Variants in SGCG observed in about 807,000 individuals in gnomAD.
SGCG encodes sarcoglycan gamma.
Under a neutral mutation model 29.3 loss-of-function variants are expected in SGCG, and 26 were observed. The observed-to-expected ratio is 0.89, with a 90% CI of 0.65 to 1.23. The LOEUF (loss-of-function observed/expected upper bound fraction) is 1.23, where lower values mean the gene tolerates loss of function less well. Among genes scored for constraint, SGCG ranks in the 50% most tolerant of loss-of-function variants. SGCG has a pLI of 0.00. For synonymous variants in SGCG, 145 were observed against 129.7 expected, an observed-to-expected ratio of 1.12 and a Z score of -0.80; for missense variants, 353 against 356.0, an observed-to-expected ratio of 0.99 and a Z score of 0.07.
intron 6 of SGCG, among the ~76,000 whole-genome samples, chr13:23,299,676 C>T (rs9552919): frequency 0.64 from 96,367 of 150,382 alleles, 31,676 homozygotes; most frequent in East Asian, 0.85. Context: ...ATGGTCTTGA[C>T]CTCCTGACCT....
chr13:23,174,254 G>C, the SGCG span, among the ~76,000 whole-genome samples: 1 of 152,160 alleles, frequency 6.6e-6, no homozygotes, highest in African/African-American at 2.4e-5. Context: ...CCTGCAGATG[G>C]GGACAGGAAG....
intron 2 of SGCG, among the ~76,000 whole-genome samples, chr13:23,218,617 A>C (rs1471353483): frequency 6.6e-6 from 1 of 152,202 alleles, no homozygotes; most frequent in Non-Finnish European, 1.5e-5. Context: ...TAATTTAAAA[A>C]TCAATATCAG....
At chr13:23,165,653 T>A in the SGCG span, among the ~76,000 whole-genome samples, 1 of 151,920 alleles carries the variant, frequency 6.6e-6, no homozygotes, top group Non-Finnish European at 1.5e-5. Context: ...GCCTCCTGAG[T>A]AGGTAGGATT....
At chr13:23,292,592 A>G (rs576495776) in intron 5 of SGCG, among the ~76,000 whole-genome samples, 95 of 152,328 alleles carry the variant, frequency 6.2e-4, no homozygotes, top group Non-Finnish European at 1.0e-3. Flanking sequence ...TGCAGTCTCC[A>G]GTTTTGTTTT....
chr13:23,292,848 C>G (rs752555083), intron 5 of SGCG, among the ~76,000 whole-genome samples: 3 of 152,136 alleles, frequency 2.0e-5, no homozygotes, highest in Non-Finnish European at 2.9e-5. Context: ...AGTAAATATA[C>G]TTATATAAAA....
At chr13:23,256,896 T>G (rs1330905251) in intron 4 of SGCG, among the ~76,000 whole-genome samples, 1 of 152,206 alleles carries the variant, frequency 6.6e-6, no homozygotes, top group Non-Finnish European at 1.5e-5. Flanking sequence ...ATATACCCAG[T>G]AATGGGATCG....
At chr13:23,169,234 T>C in the SGCG span, among the ~76,000 whole-genome samples, 3 of 151,942 alleles carry the variant, frequency 2.0e-5, no homozygotes, top group Admixed American at 1.3e-4. Context: ...TTCCATAACC[T>C]GTAAGTTCGG....
intron 2 of SGCG, among the ~76,000 whole-genome samples, chr13:23,231,576 G>C (rs1037663476): frequency 6.6e-6 from 1 of 152,082 alleles, no homozygotes; most frequent in Non-Finnish European, 1.5e-5. Context: ...AACAGAATTT[G>C]TAGTCTTGAA....
chr13:23,299,837 C>G (rs1882084021), intron 6 of SGCG, among the ~76,000 whole-genome samples: 1 of 152,092 alleles, frequency 6.6e-6, no homozygotes, highest in Non-Finnish European at 1.5e-5. Flanking sequence ...TGCATTCACA[C>G]ATGATGTAAT....
At chr13:23,198,569 G>A (rs574509984) in intron 1 of SGCG, among the ~76,000 whole-genome samples, 17 of 152,178 alleles carry the variant, frequency 1.1e-4, no homozygotes, top group African/African-American at 2.6e-4. Flanking sequence ...TAGCATGGCC[G>A]GGCGCGGTGG....
chr13:23,290,865 T>C (rs1327500840), intron 5 of SGCG, among the ~76,000 whole-genome samples: 12 of 152,208 alleles, frequency 7.9e-5, no homozygotes, highest in Non-Finnish European at 5.9e-5. Flanking sequence ...GAAACAGCAG[T>C]ATGTTGCAAA....
intron 1 of SGCG, 135 bp from the exon 2 acceptor site, chr13:23,203,560 C>T (rs1403851319): frequency 1.4e-6 from 1 of 696,570 alleles, no homozygotes; most frequent in Non-Finnish European, 2.6e-6. Flanking sequence ...TTTTAAAAAT[C>T]ATTAATTTTG....
At chr13:23,237,652 C>G (rs1465036656) in intron 3 of SGCG, among the ~76,000 whole-genome samples, 1 of 152,174 alleles carries the variant, frequency 6.6e-6, no homozygotes, top group African/African-American at 2.4e-5. Flanking sequence ...GACAGAAGCC[C>G]TAAGCCACCA....
At chr13:23,205,406 G>A (rs976756128) in intron 2 of SGCG, among the ~76,000 whole-genome samples, 4 of 152,164 alleles carry the variant, frequency 2.6e-5, no homozygotes, top group African/African-American at 4.8e-5. Flanking sequence ...CTGTAGGACC[G>A]TCAGTTATGC....
intron 3 of SGCG, among the ~76,000 whole-genome samples, chr13:23,241,155 AAAAAAAAAG>A (rs1272047246): frequency 6.7e-6 from 1 of 149,868 alleles, no homozygotes; most frequent in Non-Finnish European, 1.5e-5. Context: ...TCTCAAAAAA[AAAAAAAAAG>A]AAGAAGAAGA....
At chr13:23,204,534 T>A (rs992702323) in intron 2 of SGCG, among the ~76,000 whole-genome samples, 1 of 152,194 alleles carries the variant, frequency 6.6e-6, no homozygotes, top group Admixed American at 6.5e-5. Flanking sequence ...TGCAGGCAGG[T>A]CAGTCTGTTG....
chr13:23,226,808 A>G (rs1878916590), intron 2 of SGCG, among the ~76,000 whole-genome samples: 1 of 152,148 alleles, frequency 6.6e-6, no homozygotes, highest in South Asian at 2.1e-4. Flanking sequence ...GGAAGATGAA[A>G]AGAGTTCTGG....
intron 1 of SGCG, among the ~76,000 whole-genome samples, chr13:23,181,289 A>G (rs1327374573): frequency 6.6e-6 from 1 of 152,228 alleles, no homozygotes; most frequent in Non-Finnish European, 1.5e-5. Context: ...CAAATATGCT[A>G]CATATTTTTA....
At chr13:23,262,744 C>T (rs1291043009) in intron 4 of SGCG, among the ~76,000 whole-genome samples, 1 of 151,984 alleles carries the variant, frequency 6.6e-6, no homozygotes, top group Non-Finnish European at 1.5e-5. Context: ...CATGGTAGAT[C>T]ATATGATAGG....
Sources: gnomAD v4.1 joint callset for allele counts (sites outside exome capture counted in the v4.1 genomes callset) on GRCh38, gnomAD v4.1.1 for gene constraint, MANE v1.5 for transcripts, NCBI Gene and HGNC (gene_info 2026-07-23, HGNC 2026-07-21) for gene names.